The following SLC25A21 variants were observed in gnomAD, a reference collection of about 807,000 sequenced individuals.
SLC25A21 encodes the protein solute carrier family 25 member 21, also known as mitochondrial 2-oxodicarboxylate carrier.
In SLC25A21, 47 loss-of-function variants were observed where a neutral mutation model predicts 43.8. The observed-to-expected ratio is 1.07, with a 90% CI of 0.85 to 1.37. SLC25A21 has a LOEUF of 1.37. Among genes scored for constraint, SLC25A21 ranks in the 40% most tolerant of loss-of-function variants. SLC25A21 has a pLI of 0.00. For missense variants in SLC25A21, 352 were observed against 350.2 expected (o/e 1.00, Z -0.04); for synonymous variants, 131 against 121.3 (o/e 1.08, Z -0.52).
chr14:37,008,325 T>C (rs1960654767), intron 1 of SLC25A21, among the ~76,000 whole-genome samples: 1 of 152,190 alleles, frequency 6.6e-6, no homozygotes, highest in Non-Finnish European at 1.5e-5. Flanking sequence ...CAGAACAAAA[T>C]TGTGGACATT....
At chr14:36,996,426 A>T (rs1960373422) in intron 1 of SLC25A21, among the ~76,000 whole-genome samples, 1 of 152,154 alleles carries the variant, frequency 6.6e-6, no homozygotes, top group Non-Finnish European at 1.5e-5. Context: ...CAGGTTTCAA[A>T]GCCTAGATTC....
chr14:36,769,629 C>T (rs1886544479), intron 3 of SLC25A21, among the ~76,000 whole-genome samples: 2 of 152,178 alleles, frequency 1.3e-5, no homozygotes, highest in African/African-American at 4.8e-5. Flanking sequence ...TGCATGTTTA[C>T]ATTTTTCTCC....
intron 1 of SLC25A21, among the ~76,000 whole-genome samples, chr14:36,977,228 T>A (rs1471320854): frequency 1.3e-5 from 2 of 152,206 alleles, no homozygotes; most frequent in Non-Finnish European, 2.9e-5. Context: ...TTTCGTTTTG[T>A]AATTATCGGG....
intron 3 of SLC25A21, among the ~76,000 whole-genome samples, chr14:36,813,445 C>T (rs574998904): frequency 1.8e-4 from 27 of 151,980 alleles, no homozygotes; most frequent in Non-Finnish European, 3.1e-4. Context: ...CTGCAACTTC[C>T]ACCTCTCAGG....
At chr14:36,863,520 A>T (rs1566686142) in intron 2 of SLC25A21, among the ~76,000 whole-genome samples, 2 of 152,210 alleles carry the variant, frequency 1.3e-5, no homozygotes, top group South Asian at 4.1e-4. Context: ...TTACAAAAAA[A>T]TAAGTAAATA....
chr14:36,828,673 T>C (rs959523678), intron 2 of SLC25A21: 2 of 152,252 alleles, frequency 1.3e-5, no homozygotes, highest in African/African-American at 2.4e-5. Flanking sequence ...CCTTAACTGA[T>C]ACAAGGATTG....
Position 37,172,447 on chromosome 14 carries a change from T to G in SLC25A21, c.-97A>C. On this transcript the variant is annotated 5_prime_UTR_variant, in exon 1 of 10. Coordinates refer to ENST00000331299, the MANE Select transcript of SLC25A21 (RefSeq NM_030631.4). ...ATCCAGAGAGCCCCGGCTGGGCTGGTCCTCAAGCGCGTTGGCTCCCTGTGG... is the reference window on the plus strand; with the variant it reads ...ATCCAGAGAGCCCCGGCTGGGCTGGGCCTCAAGCGCGTTGGCTCCCTGTGG... The G allele has an allele frequency of 7.7e-7, 1 of 1,303,732 alleles. No homozygotes were observed. Among genetic ancestry groups the G allele is most frequent in the Non-Finnish European group, 1.1e-6 (1 of 921,192 alleles). The allele number at this position is 1,303,732 out of a possible 1,614,324, so 80.8% of individuals were successfully genotyped here. A position where few individuals can be genotyped will look rare whatever the true frequency, so the allele number is the denominator to read the frequency against.
At chr14:36,881,085 T>A (rs971750828) in intron 1 of SLC25A21, among the ~76,000 whole-genome samples, 1 of 152,208 alleles carries the variant, frequency 6.6e-6, no homozygotes, top group Non-Finnish European at 1.5e-5. Context: ...AGTGTTGCTG[T>A]TGACAGTGTG....
In SLC25A21 at chr14:36,725,624, G is replaced by C. The variant is rs1055829229; in HGVS notation, c.384C>G (p.Asn128Lys). 10 of 1,601,978 alleles carry C rather than the reference G, an allele frequency of 6.2e-6. No homozygotes were observed. Among genetic ancestry groups the C allele is most frequent in the Non-Finnish European group, 8.5e-6 (10 of 1,174,502 alleles). Residue 128 changes from asparagine to lysine, a missense_variant, in exon 6 of 10, where the codon AAC (asparagine) becomes AAG (lysine). Transcript: ENST00000331299. ...GSGLTEAIVV[N>K]PFEVVKVGLQ... is the part of the protein sequence containing the mutation. ...AGCCAACTTTTACTACCTCAAAAGG[G>C]TTAACTACAATGGCTTCTGTTAGTC...
intron 1 of SLC25A21, among the ~76,000 whole-genome samples, chr14:37,104,800 C>G (rs926746228): frequency 1.3e-5 from 2 of 152,184 alleles, no homozygotes; most frequent in Non-Finnish European, 2.9e-5. Context: ...CTAACAAGAG[C>G]TGTGTTCTTA....
intron 1 of SLC25A21, among the ~76,000 whole-genome samples, chr14:37,104,480 C>A (rs1962875685): frequency 6.6e-6 from 1 of 152,146 alleles, no homozygotes; most frequent in Admixed American, 6.6e-5. Context: ...TAATGAGTAA[C>A]TTATTAAAAA....
intron 1 of SLC25A21, among the ~76,000 whole-genome samples, chr14:36,976,538 T>TAA (rs144851170): frequency 0.014 from 2,134 of 150,644 alleles, 53 homozygotes; most frequent in African/African-American, 0.05. Context: ...GGCCTGTAGA[T>TAA]AAAAAAAAAC....
At chr14:37,029,782 T>G (rs1297241705) in intron 1 of SLC25A21, among the ~76,000 whole-genome samples, 1 of 115,906 alleles carries the variant, frequency 8.6e-6, no homozygotes, top group East Asian at 2.5e-4. Context: ...TTTTTTTTTT[T>G]GAGACAGATC....
chr14:36,953,698 G>A (rs1409993207), intron 1 of SLC25A21, among the ~76,000 whole-genome samples: 1 of 152,090 alleles, frequency 6.6e-6, no homozygotes, highest in African/African-American at 2.4e-5. Context: ...ACCATAAACA[G>A]TATTTCAAAT....
At position 36,874,978 on chromosome 14, in the gene SLC25A21, G is replaced by A. The variant is rs115994496; in HGVS notation, c.97C>T (p.Pro33Ser). The A allele has an allele frequency of 2.7e-4, 440 of 1,610,356 alleles. No individual in the cohort carries two copies. The African/African-American group carries it at 5.2e-3, about 19-fold the overall frequency. The change falls in exon 2 of 10, where the codon CCC (proline) becomes TCC (serine). Residue 33 changes from proline (P) to serine (S), a missense_variant. Coordinates refer to ENST00000331299, the MANE Select transcript of SLC25A21 (RefSeq NM_030631.4). The stretch of plus-strand genomic sequence containing the variant: ...TACCTGGTTTTCACCACATCTAGGG[G>A]GTGCATCAGGCAAATTTCTACAAGA... ...AGLVEICLMH[P>S]LDVVKTRFQI...
intron 1 of SLC25A21, among the ~76,000 whole-genome samples, chr14:37,165,300 C>T (rs1964012678): frequency 6.6e-6 from 1 of 152,002 alleles, no homozygotes; most frequent in African/African-American, 2.4e-5. Context: ...TCGCTTGAAC[C>T]TAGAAGGCTG....
intron 1 of SLC25A21, among the ~76,000 whole-genome samples, chr14:37,095,841 C>A (rs964284243): frequency 1.5e-5 from 2 of 137,714 alleles, no homozygotes; most frequent in African/African-American, 6.7e-5. Flanking sequence ...CACACACACA[C>A]ACAAAAAACA....
At chr14:36,680,900 C>G (rs1056704168) in intron 9 of SLC25A21, among the ~76,000 whole-genome samples, 181 bp from the exon 10 acceptor site, 1 of 152,180 alleles carries the variant, frequency 6.6e-6, no homozygotes, top group African/African-American at 2.4e-5. Flanking sequence ...AGGATAAAAT[C>G]AAGACCATCT....
intron 1 of SLC25A21, among the ~76,000 whole-genome samples, chr14:36,945,083 T>A (rs944800468): frequency 1.4e-4 from 22 of 152,194 alleles, no homozygotes; most frequent in African/African-American, 5.3e-4. Context: ...TTCCCCTGAC[T>A]CAGATTATTA....
Sources: gnomAD v4.1 joint callset for allele counts (sites outside exome capture counted in the v4.1 genomes callset) on GRCh38, gnomAD v4.1.1 for gene constraint, MANE v1.5 for transcripts, NCBI Gene and HGNC (gene_info 2026-07-23, HGNC 2026-07-21) for gene names.